MYO1G: variants seen among roughly 807,000 people sequenced by gnomAD.
MYO1G encodes myosin IG.
MYO1G carries 65 observed loss-of-function variants against 115.3 expected under a neutral mutation model. The observed-to-expected ratio is 0.56, with a 90% CI of 0.46 to 0.69. The LOEUF is 0.69. MYO1G is among the 30% of genes least tolerant of loss of function. The probability of loss-of-function intolerance (pLI) is 0.00; values close to 1 mark genes in which losing one functional copy is unlikely to be tolerated. For missense variants in MYO1G, 1,204 were observed against 1,393.5 expected, an observed-to-expected ratio of 0.86 and a Z score of 2.16; for synonymous variants, 510 against 552.6, an observed-to-expected ratio of 0.92 and a Z score of 1.08.
Position 44,970,652 on chromosome 7 carries a change from C to A in MYO1G, c.1157G>T (p.Gly386Val), listed in dbSNP as rs1022622791. 6.2e-7 allele frequency: 1 copy of A among 1,613,942 alleles called. No homozygotes were observed. Among genetic ancestry groups the A allele is most frequent in the African/African-American group, 1.3e-5 (1 of 75,056 alleles). The change falls in exon 9 of 22, where the codon GGC becomes GTC. Residue 386 changes from glycine (G) to valine (V), a missense_variant. Transcript: ENST00000258787. ...EPRGRDPRRD[G>V]KDTVIGVLDI... ...CAGCACGCCAATGACTGTGTCCTTG[C>A]CATCACGCCGAGGATCCCGGCCCCG...
At chr7:44,974,487 G>T (rs1562833093) in intron 5 of MYO1G, 1 of 153,424 alleles carries the variant, frequency 6.5e-6, no homozygotes, top group Non-Finnish European at 1.5e-5. Flanking sequence ...CTGTGCTGCA[G>T]GGAACTCCTA....
chr7:44,967,542 T>G, intron 14 of MYO1G, 63 bp downstream of exon 14: 2 of 1,603,154 alleles, frequency 1.2e-6, no homozygotes, highest in Admixed American at 3.3e-5. Flanking sequence ...GGACCCTACT[T>G]GGCACCGAGG....
At chr7:44,974,830 G>A in intron 5 of MYO1G, 1 of 374,760 alleles carries the variant, frequency 2.7e-6, no homozygotes, top group Admixed American at 3.6e-5. Context: ...GTTGAGCTCT[G>A]ATACCACTAG....
chr7:44,966,118 C>T lies in MYO1G; in HGVS notation c.2112G>A (p.Gln704=). 2 of 1,613,046 alleles carry T rather than the reference C, an allele frequency of 1.2e-6. No individual in the cohort carries two copies. Among genetic ancestry groups the T allele is most frequent in the Non-Finnish European group, 1.7e-6 (2 of 1,179,992 alleles). Residue 704 remains glutamine (Q), a synonymous_variant, in exon 16 of 22, where the codon CAG becomes CAA. Coordinates refer to ENST00000258787, the MANE Select transcript of MYO1G (RefSeq NM_033054.3). This position sits in a 1 kb window ranked among gnomAD's most constrained non-coding sequence, Gnocchi z 5.0. ...TGATGGGGATGAGGCGGGCTCGGCT[C>T]TGCTCCAGTGTGACCAGTGTCCGGG... ...RSPRTLVTLE[Q]SRARLIPIIV...
At chr7:44,967,542 T>C (rs1794868673) in intron 14 of MYO1G, 63 bp downstream of exon 14, 3 of 1,603,036 alleles carry the variant, frequency 1.9e-6, no homozygotes, top group African/African-American at 1.3e-5. Flanking sequence ...GGACCCTACT[T>C]GGCACCGAGG....
chr7:44,964,901 C>T lies in MYO1G; in HGVS notation c.2526+44G>A, dbSNP rs1794812561. 1.9e-6 allele frequency: 3 copies of T among 1,569,484 alleles called. No individual in the cohort carries two copies. In the South Asian group the frequency reaches 3.4e-5, roughly 18 times the overall value. Reference sequence around the variant, plus strand: ...AGCATTAGCCGAGAGCCCTCTTTGGCAGCCCACTTCCCCCTGGCAGCCCTG... The same window carrying T: ...AGCATTAGCCGAGAGCCCTCTTTGGTAGCCCACTTCCCCCTGGCAGCCCTG... On this transcript the variant is annotated intron_variant, in intron 18 of 21. Transcript: ENST00000258787. The surrounding 1 kb of genome is among the most constrained non-coding windows in gnomAD (Gnocchi z 5.1).
Position 44,966,564 on chromosome 7 carries a change from G to T in MYO1G, c.1949+108C>A. On this transcript the variant is annotated intron_variant, in intron 15 of 21. Coordinates refer to ENST00000258787, the MANE Select transcript of MYO1G (RefSeq NM_033054.3). This position sits in a 1 kb window ranked among gnomAD's most constrained non-coding sequence, Gnocchi z 5.0. ...TGAGGCCAGCAGCGTGCTGGTTCCTGCTTGTATCGATGTTTGCGACGTGCT... is the reference window on the plus strand; with the variant it reads ...TGAGGCCAGCAGCGTGCTGGTTCCTTCTTGTATCGATGTTTGCGACGTGCT... The T allele has an allele frequency of 7.2e-7, 1 of 1,386,578 alleles. No individual in the cohort carries two copies. The highest frequency in any genetic ancestry group is 1.0e-6 in the Non-Finnish European group (1 of 985,170). The allele number at this position is 1,386,578 out of a possible 1,614,324, so 85.9% of individuals were successfully genotyped here.
intron 9 of MYO1G, 38 bp from the exon 10 acceptor site, chr7:44,970,192 G>A (rs756154407): frequency 1.4e-6 from 2 of 1,402,394 alleles, no homozygotes. Flanking sequence ...GGAGGTCGCT[G>A]CTTGTGGAGT....
chr7:44,971,012 C>T lies in MYO1G; in HGVS notation c.894G>A (p.Glu298=), dbSNP rs1419965210. The T allele has an allele frequency of 6.2e-7, 1 of 1,613,210 alleles. No homozygotes were observed. Among genetic ancestry groups the T allele is most frequent in the African/African-American group, 1.3e-5 (1 of 74,942 alleles). The change falls in exon 8 of 22, where the codon GAG becomes GAA. Residue 298 remains glutamate (E), a synonymous_variant. Coordinates refer to ENST00000258787, the MANE Select transcript of MYO1G (RefSeq NM_033054.3). ...GTGCCTCCTCGGCCACTGCCAGGCC[C>T]TCCTTCTGCAGCCCACCCTCCTCCG... The part of the protein sequence containing the change: ...VETEEGGLQK[E]GLAVAEEALV...
chr7:44,970,926 A>G lies in MYO1G; in HGVS notation c.980T>C (p.Leu327Pro). ...TPRDLVLRSL[L>P]ARTVASGGRE... The stretch of plus-strand genomic sequence containing the variant: ...GCCTCCCGAGGCAACTGTGCGAGCC[A>G]GCAGGGAGCGGAGCACGAGGTCCCG... Residue 327 changes from leucine to proline, a missense_variant, in exon 8 of 22, where the codon CTG (leucine) becomes CCG (proline). Leu to Pro is a moderately conservative substitution (Grantham distance 98). Coordinates refer to ENST00000258787, the MANE Select transcript of MYO1G (RefSeq NM_033054.3). 8 of 1,613,594 alleles carry G rather than the reference A, an allele frequency of 5.0e-6. No homozygotes were observed. The highest frequency in any genetic ancestry group is 6.8e-6 in the Non-Finnish European group (8 of 1,180,022).
At chr7:44,967,388 C>T (rs1280075051) in intron 14 of MYO1G, among the ~76,000 whole-genome samples, 1 of 152,160 alleles carries the variant, frequency 6.6e-6, no homozygotes, top group Non-Finnish European at 1.5e-5. Context: ...CCTGGGTTCC[C>T]CATGATTGAT....
rs530780405 is a variant in MYO1G, at chr7:44,967,707, C to T, written c.1680G>A (p.Pro560=). ...CCTCTGTGATGTCCTGCTGCCCGTC[C>T]GGCCACATGGCCCGTAGAGTGGGGT... ...STDPTLRAMW[P]DGQQDITEVT... is the part of the protein sequence containing the mutation. The change falls in exon 14 of 22, where the codon CCG becomes CCA. Residue 560 remains proline (P), a synonymous_variant. Transcript: ENST00000258787. 1.9e-5 allele frequency: 31 copies of T among 1,613,548 alleles called. No homozygotes were observed. The highest frequency in any genetic ancestry group is 1.3e-4 in the Admixed American group (8 of 60,010).
chr7:44,969,804 C>T lies in MYO1G; in HGVS notation c.1404G>A (p.Leu468=). ...TGCCAGCAGAGCTGCAGGCCTCGTCCAGCACGGCCAGGATGCCACGGTGGG... is the reference window on the plus strand; with the variant it reads ...TGCCAGCAGAGCTGCAGGCCTCGTCTAGCACGGCCAGGATGCCACGGTGGG... ...ERPHRGILAV[L]DEACSSAGTI... The change falls in exon 11 of 22, where the codon CTG becomes CTA. Residue 468 remains leucine (L), a synonymous_variant. Transcript: ENST00000258787. The surrounding 1 kb of genome is among the most constrained non-coding windows in gnomAD (Gnocchi z 5.0). 1 of 1,613,282 alleles carries T rather than the reference C, an allele frequency of 6.2e-7. No individual in the cohort carries two copies. Among genetic ancestry groups the T allele is most frequent in the Non-Finnish European group, 8.5e-7 (1 of 1,179,906 alleles).
Position 44,968,927 on chromosome 7 carries a change from C to A in MYO1G, c.1574+486G>T, listed in dbSNP as rs117937384. The A allele has an allele frequency of 2.0e-3, 343 of 168,826 alleles. 1 individual carries two copies. Among genetic ancestry groups the A allele is most frequent in the Non-Finnish European group, 3.6e-3 (277 of 76,756 alleles). The allele number at this position is 168,826 out of a possible 1,614,324, so 10.5% of individuals were successfully genotyped here. A position where few individuals can be genotyped will look rare whatever the true frequency, so the allele number is the denominator to read the frequency against. ...TACCTTGATGTGAGTCACCTTAAATCGTTTTGGGATGCGGCAAGCAACACA... is the reference window on the plus strand; with the variant it reads ...TACCTTGATGTGAGTCACCTTAAATAGTTTTGGGATGCGGCAAGCAACACA... On this transcript the variant is annotated intron_variant, in intron 12 of 21. Coordinates refer to ENST00000258787, the MANE Select transcript of MYO1G (RefSeq NM_033054.3).
At chr7:44,975,305 G>A (rs1445748099) in intron 4 of MYO1G, 78 bp from the exon 5 acceptor site, 25 of 1,550,100 alleles carry the variant, frequency 1.6e-5, no homozygotes, top group Non-Finnish European at 2.2e-5. Flanking sequence ...ATTCCCAGGT[G>A]CAAGGCAGGC....
chr7:44,970,936 G>A lies in MYO1G; in HGVS notation c.970C>T (p.Arg324Cys), dbSNP rs754554734. 5.5e-5 allele frequency: 88 copies of A among 1,613,532 alleles called. No individual in the cohort carries two copies. Among genetic ancestry groups the A allele is most frequent in the Non-Finnish European group, 6.8e-5 (80 of 1,180,012 alleles). Residue 324 changes from arginine (R) to cysteine (C), a missense_variant, in exon 8 of 22, where the codon CGC (arginine) becomes TGC (cysteine). Transcript: ENST00000258787. Reference protein sequence around the residue: ...LTATPRDLVLRSLLARTVASG... With the variant: ...LTATPRDLVLCSLLARTVASG... Reference sequence around the variant, plus strand: ...GCAACTGTGCGAGCCAGCAGGGAGCGGAGCACGAGGTCCCGGGGTGTGGCC... The same window carrying A: ...GCAACTGTGCGAGCCAGCAGGGAGCAGAGCACGAGGTCCCGGGGTGTGGCC...
chr7:44,978,572 A>C (rs1384399409), intron 1 of MYO1G, among the ~76,000 whole-genome samples: 1 of 152,228 alleles, frequency 6.6e-6, no homozygotes, highest in Non-Finnish European at 1.5e-5. Context: ...TCGGGCAGGA[A>C]AGAAGGGGCA....
At position 44,965,713 on chromosome 7, in the gene MYO1G, C is replaced by T. The variant is rs764573392; in HGVS notation, c.2305G>A (p.Gly769Arg). The part of the protein sequence containing the change: ...FQAARQPPLY[G>R]RDLVWPLPPA... Reference sequence around the variant, plus strand: ...GGCAGCGGCCACACAAGGTCACGCCCGTAGAGTGGCGGCTGCCTTGCAGCC... The same window carrying T: ...GGCAGCGGCCACACAAGGTCACGCCTGTAGAGTGGCGGCTGCCTTGCAGCC... Residue 769 changes from glycine to arginine, a missense_variant, in exon 17 of 22, where the codon GGG becomes AGG. By Grantham distance (125) the Gly-to-Arg change is moderately radical. Transcript: ENST00000258787. 1.2e-5 allele frequency: 20 copies of T among 1,612,822 alleles called. No individual in the cohort carries two copies. Among genetic ancestry groups the T allele is most frequent in the Admixed American group, 6.7e-5 (4 of 60,014 alleles).
chr7:44,970,710 C>T lies in MYO1G; in HGVS notation c.1099G>A (p.Val367Met), dbSNP rs755351228. 2 of 1,614,008 alleles carry T rather than the reference C, an allele frequency of 1.2e-6. No homozygotes were observed. Among genetic ancestry groups the T allele is most frequent in the Non-Finnish European group, 1.7e-6 (2 of 1,180,034 alleles). The change falls in exon 9 of 22, where the codon GTG becomes ATG. Residue 367 changes from valine (V) to methionine (M), a missense_variant. Physicochemically the swap from Val to Met is conservative, Grantham distance 21. Coordinates refer to ENST00000258787, the MANE Select transcript of MYO1G (RefSeq NM_033054.3). ...KAVYQRLFEWVVNRINSVMEP... is the reference protein window; with the variant it reads ...KAVYQRLFEWMVNRINSVMEP... Reference sequence around the variant, plus strand: ...ATGACACTGTTGATCCTGTTCACCACCCACTCAAACAGCCGCTGGTACACT... The same window carrying T: ...ATGACACTGTTGATCCTGTTCACCATCCACTCAAACAGCCGCTGGTACACT...
Sources: gnomAD v4.1 joint callset for allele counts (sites outside exome capture counted in the v4.1 genomes callset) on GRCh38, gnomAD v4.1.1 for gene constraint, Gnocchi (gnomAD v3.1) non-coding constraint, MANE v1.5 for transcripts, NCBI Gene and HGNC (gene_info 2026-07-23, HGNC 2026-07-21) for gene names.